The following DYNAP variants were observed in gnomAD, a reference collection of about 807,000 sequenced individuals.
The protein encoded by DYNAP is dynactin-associated protein.
A neutral mutation model predicts 8.5 loss-of-function variants in DYNAP; 7 were observed. The observed-to-expected ratio is 0.82, with a 90% CI of 0.47 to 1.54. DYNAP has a LOEUF of 1.54. DYNAP is among the 40% of genes most tolerant of loss of function. DYNAP has a pLI of 0.01. For missense variants in DYNAP, 256 were observed against 224.3 expected (o/e 1.14, Z -0.90); for synonymous variants, 77 against 77.9 (o/e 0.99, Z 0.06).
chr18:54,592,436 A>G (rs1220245974), intron 1 of DYNAP, among the ~76,000 whole-genome samples: 2 of 152,058 alleles, frequency 1.3e-5, no homozygotes, highest in South Asian at 2.1e-4. Context: ...TTATTCAGGC[A>G]TAGATATAAC....
At chr18:54,575,916 C>T in the DYNAP span, among the ~76,000 whole-genome samples, 2 of 152,204 alleles carry the variant, frequency 1.3e-5, no homozygotes, top group Non-Finnish European at 2.9e-5. Flanking sequence ...ATCAACTTCT[C>T]CCAGCCCACT....
At chr18:54,588,031 A>C (rs1252924841), upstream of DYNAP, among the ~76,000 whole-genome samples, 1 of 152,186 alleles carries the variant, frequency 6.6e-6, no homozygotes, top group African/African-American at 2.4e-5. Context: ...CTTTGATTGA[A>C]CAAAAATAGT....
chr18:54,590,217 A>G (rs1467709307), upstream of DYNAP, among the ~76,000 whole-genome samples: 1 of 152,072 alleles, frequency 6.6e-6, no homozygotes, highest in Non-Finnish European at 1.5e-5. Context: ...TTCTGTCTCT[A>G]TGATTTTGAC....
At chr18:54,584,285 AT>A (rs1910806919), upstream of DYNAP, among the ~76,000 whole-genome samples, 1 of 148,034 alleles carries the variant, frequency 6.8e-6, no homozygotes, top group African/African-American at 2.5e-5. Context: ...ATTTATATTA[AT>A]TAATAATTAA....
Position 54,594,957 on chromosome 18 carries a change from G to A in DYNAP, c.76G>A (p.Asp26Asn). The A allele has an allele frequency of 1.2e-6, 2 of 1,610,620 alleles. No homozygotes were observed. The highest frequency in any genetic ancestry group is 1.7e-6 in the Non-Finnish European group (2 of 1,178,212). The change falls in exon 2 of 3, where the codon GAC becomes AAC. Residue 26 changes from aspartate (D) to asparagine (N), a missense_variant. By Grantham distance (23) the Asp-to-Asn change is conservative (BLOSUM62 1). Coordinates refer to ENST00000648945, the MANE Select transcript of DYNAP (RefSeq NM_173629.3). Reference sequence around the variant, plus strand: ...TTTGTAGCCAATCACACATCCAAATGACCAAGAGGCTCACAGTTCCATATG... The same window carrying A: ...TTTGTAGCCAATCACACATCCAAATAACCAAGAGGCTCACAGTTCCATATG... ...ENQPPITHPN[D>N]QEAHSSICWC...
chr18:54,579,997 C>A, the DYNAP span, among the ~76,000 whole-genome samples: 2 of 152,304 alleles, frequency 1.3e-5, no homozygotes, highest in South Asian at 4.1e-4. Context: ...AATAAAGTAA[C>A]ACTTGAAAGT....
At chr18:54,587,631 A>C, upstream of DYNAP, 1 of 368,338 alleles carries the variant, frequency 2.7e-6, no homozygotes, top group South Asian at 1.5e-4. Flanking sequence ...ACTGCCAAAT[A>C]AATTTATGCC....
At chr18:54,593,231 C>G (rs1911152294) in intron 1 of DYNAP, among the ~76,000 whole-genome samples, 1 of 151,890 alleles carries the variant, frequency 6.6e-6, no homozygotes, top group Non-Finnish European at 1.5e-5. Flanking sequence ...AATAATAATT[C>G]CTAATGGGTC....
chr18:54,581,742 C>G, the DYNAP span, among the ~76,000 whole-genome samples: 4 of 151,960 alleles, frequency 2.6e-5, no homozygotes, highest in Admixed American at 2.6e-4. Context: ...GGTATATAAT[C>G]ACATGGGAAA....
the DYNAP span, among the ~76,000 whole-genome samples, chr18:54,579,164 G>A: frequency 1.5e-4 from 23 of 152,252 alleles, no homozygotes; most frequent in African/African-American, 5.3e-4. Flanking sequence ...TTACTCTACA[G>A]TACTAAAGGA....
intron 2 of DYNAP, among the ~76,000 whole-genome samples, chr18:54,596,371 C>A (rs965360561): frequency 1.3e-5 from 2 of 152,120 alleles, no homozygotes; most frequent in African/African-American, 4.8e-5. Flanking sequence ...CCATGTCCAG[C>A]CTCTGCTGGT....
chr18:54,590,538 T>A (rs1911028955), upstream of DYNAP, among the ~76,000 whole-genome samples: 1 of 151,586 alleles, frequency 6.6e-6, no homozygotes, highest in African/African-American at 2.4e-5. Context: ...AGAATAGGAA[T>A]TTTTTTTTAT....
the DYNAP span, among the ~76,000 whole-genome samples, chr18:54,581,046 G>A: frequency 1.3e-5 from 2 of 152,186 alleles, no homozygotes; most frequent in Non-Finnish European, 2.9e-5. Context: ...TGGTTCAGCA[G>A]TGGAAATGCA....
At chr18:54,589,829 C>A (rs1170951334), upstream of DYNAP, among the ~76,000 whole-genome samples, 1 of 151,952 alleles carries the variant, frequency 6.6e-6, no homozygotes, top group Non-Finnish European at 1.5e-5. Context: ...TAATTATATT[C>A]TTCTGATTTT....
At chr18:54,592,973 T>C (rs1911139623) in intron 1 of DYNAP, among the ~76,000 whole-genome samples, 1 of 152,140 alleles carries the variant, frequency 6.6e-6, no homozygotes, top group African/African-American at 2.4e-5. Flanking sequence ...AAATTGGATG[T>C]AATGAAAACA....
chr18:54,592,480 G>A (rs1911121251), intron 1 of DYNAP, among the ~76,000 whole-genome samples: 1 of 151,850 alleles, frequency 6.6e-6, no homozygotes, highest in Non-Finnish European at 1.5e-5. Context: ...TTCAATAATG[G>A]AATTTAAAAA....
chr18:54,595,025 C>T lies in DYNAP; in HGVS notation c.144C>T (p.Pro48=), dbSNP rs1911230222. Residue 48 remains proline (P), a synonymous_variant, in exon 2 of 3, where the codon CCC becomes CCT. Transcript: ENST00000648945. The stretch of plus-strand genomic sequence containing the variant: ...ATGATATAACCAGTGATGTCTCTCC[C>T]AACTTAACTGGGGTCTGCGTGAACC... ...PSNDITSDVS[P]NLTGVCVNPG... is the part of the protein sequence containing the mutation. 10 of 1,612,848 alleles carry T rather than the reference C, an allele frequency of 6.2e-6. No homozygotes were observed. Among genetic ancestry groups the T allele is most frequent in the Non-Finnish European group, 7.6e-6 (9 of 1,179,178 alleles).
the DYNAP span, among the ~76,000 whole-genome samples, chr18:54,581,944 T>C: frequency 6.6e-6 from 1 of 152,244 alleles, no homozygotes; most frequent in South Asian, 2.1e-4. Flanking sequence ...TTTTAACTTA[T>C]ATTTTATTAG....
At chr18:54,583,511 A>G, upstream of DYNAP, among the ~76,000 whole-genome samples, 1 of 152,212 alleles carries the variant, frequency 6.6e-6, no homozygotes, top group East Asian at 1.9e-4. Flanking sequence ...CTAAGAATGA[A>G]TGTTAACTGC....
Sources: gnomAD v4.1 joint callset for allele counts (sites outside exome capture counted in the v4.1 genomes callset) on GRCh38, gnomAD v4.1.1 for gene constraint, MANE v1.5 for transcripts, NCBI Gene and HGNC (gene_info 2026-07-23, HGNC 2026-07-21) for gene names.